The following AGBL1 variants were observed in gnomAD, a reference collection of about 807,000 sequenced individuals.
The protein encoded by AGBL1 is AGBL carboxypeptidase 1, also known as cytosolic carboxypeptidase 4.
In AGBL1, 130 loss-of-function variants were observed where a neutral mutation model predicts 118.9. The observed-to-expected ratio is 1.09, with a 90% CI of 0.95 to 1.26. The LOEUF is 1.26. AGBL1 is among the 50% of genes most tolerant of loss of function. The pLI is 0.00. For synonymous variants in AGBL1, 555 were observed against 478.9 expected, an observed-to-expected ratio of 1.16 and a Z score of -2.08; for missense variants, 1,584 against 1,298.1, an observed-to-expected ratio of 1.22 and a Z score of -3.38.
At chr15:86,720,971 G>C (rs922842718) in intron 22 of AGBL1, among the ~76,000 whole-genome samples, 2 of 152,100 alleles carry the variant, frequency 1.3e-5, no homozygotes, top group Admixed American at 6.5e-5. Flanking sequence ...TCTCTGAATA[G>C]ACCAATAACA....
At chr15:86,794,998 G>C (rs1398743125) in intron 22 of AGBL1, among the ~76,000 whole-genome samples, 1 of 151,992 alleles carries the variant, frequency 6.6e-6, no homozygotes, top group East Asian at 1.9e-4. Context: ...AATTGCCAAA[G>C]GGGGAAAATA....
intron 18 of AGBL1, among the ~76,000 whole-genome samples, chr15:86,501,049 C>T (rs959797145): frequency 2.6e-5 from 4 of 151,622 alleles, no homozygotes; most frequent in African/African-American, 7.3e-5. Context: ...GGTGCTGGGT[C>T]ATATGGGGAC....
chr15:86,752,295 C>G (rs1383591306), intron 22 of AGBL1, among the ~76,000 whole-genome samples: 1 of 152,088 alleles, frequency 6.6e-6, no homozygotes. Context: ...GTGTATCCAT[C>G]TTTTCAGTCT....
intron 1 of AGBL1, among the ~76,000 whole-genome samples, chr15:86,123,216 G>A (rs1020193658): frequency 6.6e-6 from 1 of 151,978 alleles, no homozygotes; most frequent in Non-Finnish European, 1.5e-5. Flanking sequence ...GAAAACCCTG[G>A]TCTCCAGAAC....
chr15:86,666,430 G>A (rs982074993), intron 21 of AGBL1, among the ~76,000 whole-genome samples: 1 of 152,156 alleles, frequency 6.6e-6, no homozygotes, highest in African/African-American at 2.4e-5. Flanking sequence ...TTGTCTTTCA[G>A]TTGATGTCTT....
chr15:86,195,555 C>T (rs1276021732), intron 5 of AGBL1, among the ~76,000 whole-genome samples: 1 of 152,120 alleles, frequency 6.6e-6, no homozygotes, highest in Non-Finnish European at 1.5e-5. Flanking sequence ...ATATCTATTA[C>T]AGCTTCTTAA....
intron 22 of AGBL1, among the ~76,000 whole-genome samples, chr15:86,701,902 C>T (rs1454441041): frequency 6.9e-6 from 1 of 145,716 alleles, no homozygotes; most frequent in Non-Finnish European, 1.5e-5. Context: ...CTTTCTTTCA[C>T]TTTCCTCCCA....
At chr15:86,853,812 G>T (rs1218461931) in intron 22 of AGBL1, among the ~76,000 whole-genome samples, 1 of 151,972 alleles carries the variant, frequency 6.6e-6, no homozygotes, top group Non-Finnish European at 1.5e-5. Flanking sequence ...TGAAAACCTG[G>T]GTTTTACTCC....
At chr15:86,806,408 C>T (rs893173795) in intron 22 of AGBL1, among the ~76,000 whole-genome samples, 3 of 152,016 alleles carry the variant, frequency 2.0e-5, no homozygotes, top group African/African-American at 7.2e-5. Flanking sequence ...AACTGAAACT[C>T]CCAAAAGAAG....
At chr15:86,219,945 C>CTTTTTTTTTT (rs68023928) in intron 5 of AGBL1, among the ~76,000 whole-genome samples, 1 of 85,772 alleles carries the variant, frequency 1.2e-5, no homozygotes, top group Non-Finnish European at 2.2e-5. Context: ...AATGCTGCCT[C>CTTTTTTTTTT]TTTTTTTTTT....
At chr15:86,607,420 T>G (rs2084593117) in intron 21 of AGBL1, among the ~76,000 whole-genome samples, 1 of 152,208 alleles carries the variant, frequency 6.6e-6, no homozygotes, top group Non-Finnish European at 1.5e-5. Flanking sequence ...CAATTTCAAC[T>G]CATTTGGGTA....
chr15:86,167,578 T>A (rs1027566762), intron 5 of AGBL1, among the ~76,000 whole-genome samples: 3 of 152,196 alleles, frequency 2.0e-5, no homozygotes, highest in Non-Finnish European at 2.9e-5. Flanking sequence ...AATTCTAAAT[T>A]CTTCAGGGAT....
At chr15:86,332,240 A>C (rs925451607) in intron 17 of AGBL1, among the ~76,000 whole-genome samples, 5 of 152,250 alleles carry the variant, frequency 3.3e-5, no homozygotes, top group African/African-American at 1.2e-4. Context: ...TGGAACATCT[A>C]GATTTATAAA....
intron 17 of AGBL1, among the ~76,000 whole-genome samples, chr15:86,374,786 C>T (rs894497639): frequency 6.6e-6 from 1 of 152,210 alleles, no homozygotes; most frequent in Non-Finnish European, 1.5e-5. Context: ...AGGAGCCAGA[C>T]TGCCTGCTTT....
At chr15:86,753,402 T>TC (rs1226660009) in intron 22 of AGBL1, among the ~76,000 whole-genome samples, 1 of 115,724 alleles carries the variant, frequency 8.6e-6, no homozygotes, top group Admixed American at 8.9e-5. Flanking sequence ...TTTTTCTTTT[T>TC]TTTTTTTTTT....
At chr15:86,804,923 C>G (rs565436213) in intron 22 of AGBL1, among the ~76,000 whole-genome samples, 1 of 152,062 alleles carries the variant, frequency 6.6e-6, no homozygotes, top group Non-Finnish European at 1.5e-5. Flanking sequence ...GAGCTCAAAG[C>G]TAAGGTAGGA....
chr15:86,804,819 A>G (rs974518371), intron 22 of AGBL1, among the ~76,000 whole-genome samples: 9 of 152,288 alleles, frequency 5.9e-5, no homozygotes, highest in African/African-American at 1.9e-4. Context: ...TTAATGTCTA[A>G]ATACCAAAGT....
chr15:86,173,871 T>A (rs2077447365), intron 5 of AGBL1, among the ~76,000 whole-genome samples: 1 of 152,136 alleles, frequency 6.6e-6, no homozygotes. Flanking sequence ...TGAAGGCAGG[T>A]AGTGTAATGC....
chr15:86,769,185 G>A (rs1308227995), intron 22 of AGBL1, among the ~76,000 whole-genome samples: 1 of 138,458 alleles, frequency 7.2e-6, no homozygotes, highest in Non-Finnish European at 1.5e-5. Flanking sequence ...GGGAGAGAGA[G>A]AGAGACAGAG....
Sources: allele counts gnomAD v4.1 joint callset (sites outside exome capture counted in the v4.1 genomes callset), GRCh38; gene constraint gnomAD v4.1.1; transcripts MANE v1.5; gene names NCBI Gene and HGNC (gene_info 2026-07-23, HGNC 2026-07-21).